The following NDFIP1 variants were observed in gnomAD, a reference collection of about 807,000 sequenced individuals.
The protein encoded by NDFIP1 is Nedd4 family interacting protein 1, also known as NEDD4 family-interacting protein 1.
NDFIP1 carries 7 observed loss-of-function variants against 28.8 expected under a neutral mutation model. That is an observed-to-expected ratio of 0.24 (90% CI 0.14 to 0.46). The LOEUF (loss-of-function observed/expected upper bound fraction) is 0.46. Ranked by LOEUF, NDFIP1 falls within the 20% of genes least tolerant of loss-of-function variation. The probability of loss-of-function intolerance (pLI) is 0.99; values close to 1 mark genes in which losing one functional copy is unlikely to be tolerated. For missense variants in NDFIP1, 194 were observed against 269.1 expected, an observed-to-expected ratio of 0.72 and a Z score of 1.95; for synonymous variants, 92 against 101.0, an observed-to-expected ratio of 0.91 and a Z score of 0.53.
In NDFIP1 at chr5:142,127,823, G is replaced by T. The variant is rs539606724; in HGVS notation, c.64-3985G>T. On this transcript the variant is annotated intron_variant, in intron 1 of 7. Transcript: ENST00000253814. Reference sequence around the variant, plus strand: ...ATACAAAAATTAGCCAGGTATGGTGGTGCATGCCTGTAATCCCAACTACTT... The same window carrying T: ...ATACAAAAATTAGCCAGGTATGGTGTTGCATGCCTGTAATCCCAACTACTT... 3.9e-5 allele frequency among the ~76,000 whole-genome samples: 6 copies of T among 152,258 alleles called. 1 individual carries two copies. Among genetic ancestry groups the T allele is most frequent in the African/African-American group, 1.4e-4 (6 of 41,558 alleles).
intron 1 of NDFIP1, among the ~76,000 whole-genome samples, chr5:142,125,730 G>C (rs1757163673): frequency 6.6e-6 from 1 of 152,174 alleles, no homozygotes; most frequent in Admixed American, 6.5e-5. Context: ...ATTCCCACCA[G>C]CAGTGTATTA....
At chr5:142,109,320 C>T (rs1433117027) in intron 1 of NDFIP1, among the ~76,000 whole-genome samples, 1 of 152,200 alleles carries the variant, frequency 6.6e-6, no homozygotes, top group East Asian at 1.9e-4. Flanking sequence ...AGTCAGAACC[C>T]GCGACCCACA....
At chr5:142,124,694 ATG>A (rs1405534808) in intron 1 of NDFIP1, among the ~76,000 whole-genome samples, 1 of 152,142 alleles carries the variant, frequency 6.6e-6, no homozygotes, top group Non-Finnish European at 1.5e-5. Flanking sequence ...TGATTTTTAA[ATG>A]TGTTTTCATT....
chr5:142,141,614 TAGAG>T (rs1368770845), intron 6 of NDFIP1, among the ~76,000 whole-genome samples: 1 of 152,202 alleles, frequency 6.6e-6, no homozygotes, highest in Non-Finnish European at 1.5e-5. Context: ...ATGATACAGT[TAGAG>T]AGACCACCAT....
chr5:142,124,634 G>T (rs978081773), intron 1 of NDFIP1, among the ~76,000 whole-genome samples: 7 of 152,144 alleles, frequency 4.6e-5, no homozygotes, highest in African/African-American at 1.7e-4. Context: ...TTATTGTATT[G>T]ACTTTTTAAA....
rs889163576 is a variant in NDFIP1, at chr5:142,153,471, T to G, written c.*1743T>G. 8.8e-6 allele frequency: 4 copies of G among 455,336 alleles called. No homozygotes were observed. Among genetic ancestry groups the G allele is most frequent in the Admixed American group, 2.4e-5 (1 of 42,534 alleles). The allele number at this position is 455,336 out of a possible 1,614,324, so 28.2% of individuals were successfully genotyped here. ...TTGTTTGAAAGCCAAACAGGAAAAT[T>G]AGGAGCCTCCTGGATTGACATTTCA... On this transcript the variant is annotated 3_prime_UTR_variant, in exon 8 of 8. Transcript: ENST00000253814.
intron 1 of NDFIP1, among the ~76,000 whole-genome samples, chr5:142,109,816 G>C (rs6580225): frequency 0.67 from 102,384 of 152,054 alleles, 34,799 homozygotes; most frequent in African/African-American, 0.77. Flanking sequence ...GTTTCACTCC[G>C]CGTCTGTAGC....
At chr5:142,129,796 C>CA (rs1411604684) in intron 1 of NDFIP1, among the ~76,000 whole-genome samples, 4 of 151,512 alleles carry the variant, frequency 2.6e-5, no homozygotes, top group South Asian at 4.2e-4. Flanking sequence ...CCTGTAGTCC[C>CA]AGCTACTTGG....
chr5:142,120,012 G>A (rs1453533351), intron 1 of NDFIP1, among the ~76,000 whole-genome samples: 2 of 152,198 alleles, frequency 1.3e-5, no homozygotes, highest in African/African-American at 2.4e-5. Flanking sequence ...CTGGAGTGCA[G>A]TGGTGCCATC....
chr5:142,109,834 C>T (rs1273850961), intron 1 of NDFIP1, among the ~76,000 whole-genome samples: 1 of 152,124 alleles, frequency 6.6e-6, no homozygotes, highest in Non-Finnish European at 1.5e-5. Context: ...AGCTAAGTTC[C>T]CCCAGGAAAT....
At chr5:142,139,504 C>T (rs560129587) in intron 5 of NDFIP1, among the ~76,000 whole-genome samples, 72 of 152,026 alleles carry the variant, frequency 4.7e-4, no homozygotes, top group African/African-American at 1.4e-3. Context: ...CATTGAAACA[C>T]GACAGTGCTC....
intron 7 of NDFIP1, among the ~76,000 whole-genome samples, chr5:142,150,009 G>A (rs1757428523): frequency 6.6e-6 from 1 of 151,882 alleles, no homozygotes; most frequent in African/African-American, 2.4e-5. Flanking sequence ...GTGAAACCCC[G>A]TCTCTACTAA....
At chr5:142,131,972 A>G (rs1045151471) in intron 2 of NDFIP1, 77 bp downstream of exon 2, 10 of 1,317,470 alleles carry the variant, frequency 7.6e-6, no homozygotes, top group African/African-American at 1.5e-5. Flanking sequence ...AAAAAAAAAA[A>G]GCTTCAGAAG....
chr5:142,138,929 T>C (rs1040792255), intron 5 of NDFIP1, among the ~76,000 whole-genome samples: 3 of 150,190 alleles, frequency 2.0e-5, no homozygotes, highest in Non-Finnish European at 4.4e-5. Context: ...AAAAAGTGAA[T>C]CAAATGGGCC....
chr5:142,116,355 TC>T (rs1200799652), intron 1 of NDFIP1, among the ~76,000 whole-genome samples: 107 of 52,426 alleles, frequency 2.0e-3, no homozygotes, highest in African/African-American at 8.1e-3. Flanking sequence ...TCCTTCTTTC[TC>T]TCTCTCTCTC....
chr5:142,122,005 C>T (rs1206215670), intron 1 of NDFIP1, among the ~76,000 whole-genome samples: 2 of 152,182 alleles, frequency 1.3e-5, no homozygotes, highest in Admixed American at 1.3e-4. Flanking sequence ...ATCACTATTC[C>T]TCGTACAGTC....
At chr5:142,140,721 G>C in intron 6 of NDFIP1, 92 bp downstream of exon 6, 1 of 945,802 alleles carries the variant, frequency 1.1e-6, no homozygotes. Context: ...CTTGATTACT[G>C]TATAGTAATA....
chr5:142,146,218 C>G (rs555560924), intron 7 of NDFIP1, among the ~76,000 whole-genome samples: 136 of 152,148 alleles, frequency 8.9e-4, no homozygotes, highest in African/African-American at 3.2e-3. Context: ...AACTAGTATT[C>G]ATTATTAAAA....
At chr5:142,116,478 C>T (rs1335499024) in intron 1 of NDFIP1, among the ~76,000 whole-genome samples, 2 of 151,968 alleles carry the variant, frequency 1.3e-5, no homozygotes, top group African/African-American at 4.8e-5. Flanking sequence ...AAGCCATTCT[C>T]CTGCCTCAGC....
Sources: allele counts gnomAD v4.1 joint callset (sites outside exome capture counted in the v4.1 genomes callset), GRCh38; gene constraint gnomAD v4.1.1; transcripts MANE v1.5; gene names NCBI Gene and HGNC (gene_info 2026-07-23, HGNC 2026-07-21).